GRIN3A: variants seen among roughly 807,000 people sequenced by gnomAD.
The protein encoded by GRIN3A is glutamate ionotropic receptor NMDA type subunit 3A, also known as glutamate receptor ionotropic, NMDA 3A.
In GRIN3A, 47 loss-of-function variants were observed where a neutral mutation model predicts 92.4. The ratio of observed to expected loss-of-function variants is 0.51; its 90% confidence interval spans 0.40 to 0.65. The LOEUF is 0.65. Among genes scored for constraint, GRIN3A ranks in the 30% least tolerant of loss-of-function variants. GRIN3A has a pLI of 0.00. For synonymous variants in GRIN3A, 527 were observed against 540.6 expected (o/e 0.97, Z 0.35); for missense variants, 1,324 against 1,393.1 (o/e 0.95, Z 0.79).
chr9:101,679,816 C>T (rs996931533), intron 2 of GRIN3A, among the ~76,000 whole-genome samples: 6 of 152,186 alleles, frequency 3.9e-5, no homozygotes, highest in African/African-American at 1.4e-4. Context: ...TTTAATGCAA[C>T]TGCATTTCTT....
intron 1 of GRIN3A, among the ~76,000 whole-genome samples, chr9:101,709,412 A>G (rs912255125): frequency 6.6e-6 from 1 of 152,182 alleles, no homozygotes; most frequent in African/African-American, 2.4e-5. Context: ...TTGGTAGAAT[A>G]CACTTGGTTT....
intron 1 of GRIN3A, among the ~76,000 whole-genome samples, chr9:101,702,248 GC>G (rs1829764992): frequency 1.3e-5 from 2 of 152,162 alleles, no homozygotes; most frequent in Non-Finnish European, 2.9e-5. Flanking sequence ...GTTGCAGTGA[GC>G]TGAGATCACC....
chr9:101,575,269 T>C (rs1034612875), intron 8 of GRIN3A, among the ~76,000 whole-genome samples: 7 of 152,252 alleles, frequency 4.6e-5, no homozygotes, highest in Admixed American at 3.9e-4. Context: ...AACCCACTTA[T>C]AGCTCCATTG....
In GRIN3A at chr9:101,670,177, T is replaced by A; in HGVS notation, c.2235A>T (p.Leu745=). The change falls in exon 3 of 9, where the codon CTA becomes CTT. Residue 745 remains leucine, a synonymous_variant. Coordinates refer to ENST00000361820, the MANE Select transcript of GRIN3A (RefSeq NM_133445.3). The part of the protein sequence containing the change: ...KPPKCWTGRF[L]MNLWAIFCMF... ...TACAGAAAATGGCCCAAAGGTTCAT[T>A]AGAAACCTTCCAGTCCAACATTTTG... is the stretch of plus-strand genomic sequence containing the variant. 1.9e-6 allele frequency: 3 copies of A among 1,613,854 alleles called. No homozygotes were observed. Among genetic ancestry groups the A allele is most frequent in the Non-Finnish European group, 2.5e-6 (3 of 1,179,836 alleles).
chr9:101,592,987 A>G (rs1828053752), intron 6 of GRIN3A: 1 of 152,194 alleles, frequency 6.6e-6, no homozygotes, highest in African/African-American at 2.4e-5. Context: ...GTATGGAGGC[A>G]CAGATGCTGG....
intron 3 of GRIN3A, among the ~76,000 whole-genome samples, chr9:101,662,181 T>C (rs752984304): frequency 2.6e-5 from 4 of 151,838 alleles, no homozygotes; most frequent in Non-Finnish European, 4.4e-5. Context: ...CATACCACAA[T>C]GACAATTAAT....
At chr9:101,610,607 ATCTATCTATC>A (rs2118842172) in intron 6 of GRIN3A, among the ~76,000 whole-genome samples, 1 of 142,092 alleles carries the variant, frequency 7.0e-6, no homozygotes, top group Non-Finnish European at 1.6e-5. Flanking sequence ...CTATCTATCT[ATCTATCTATC>A]TATCTATCAT....
At chr9:101,643,112 G>A (rs897485885) in intron 3 of GRIN3A, among the ~76,000 whole-genome samples, 6 of 152,024 alleles carry the variant, frequency 3.9e-5, no homozygotes, top group Admixed American at 1.3e-4. Context: ...CTGGTCTCTG[G>A]TGCCAAAAGG....
Position 101,670,705 on chromosome 9 carries a change from G to A in GRIN3A, c.1707C>T (p.Pro569=). 6.2e-7 allele frequency: 1 copy of A among 1,614,028 alleles called. No homozygotes were observed. Among genetic ancestry groups the A allele is most frequent in the Non-Finnish European group, 8.5e-7 (1 of 1,179,962 alleles). The change falls in exon 3 of 9, where the codon CCC becomes CCT. Residue 569 remains proline (P), a synonymous_variant. Coordinates refer to ENST00000361820, the MANE Select transcript of GRIN3A (RefSeq NM_133445.3). ...SSLHSSNDTV[P]IKFKKCCYGY... ...CATAGCAGCACTTCTTGAATTTAATGGGCACTGTATCATTACTGCTATGGA... is the reference window on the plus strand; with the variant it reads ...CATAGCAGCACTTCTTGAATTTAATAGGCACTGTATCATTACTGCTATGGA...
At chr9:101,659,037 C>T (rs1829133116) in intron 3 of GRIN3A, among the ~76,000 whole-genome samples, 1 of 151,776 alleles carries the variant, frequency 6.6e-6, no homozygotes, top group Admixed American at 6.6e-5. Context: ...GCCTGTGGAG[C>T]TAAAATACGT....
intron 1 of GRIN3A, among the ~76,000 whole-genome samples, chr9:101,721,746 T>G (rs62576357): frequency 3.9e-5 from 6 of 152,156 alleles, no homozygotes; most frequent in African/African-American, 1.4e-4. Flanking sequence ...CCCTAGAGAT[T>G]TGTGGAACTT....
chr9:101,676,681 T>C (rs535008805), intron 2 of GRIN3A, among the ~76,000 whole-genome samples: 56 of 152,164 alleles, frequency 3.7e-4, no homozygotes, highest in African/African-American at 1.3e-3. Context: ...TAATTCTTGT[T>C]AGGTTTACTG....
chr9:101,670,938 C>A lies in GRIN3A; in HGVS notation c.1474G>T (p.Asp492Tyr). Residue 492 changes from aspartate (D) to tyrosine (Y), a missense_variant, in exon 3 of 9, where the codon GAC becomes TAC. Coordinates refer to ENST00000361820, the MANE Select transcript of GRIN3A (RefSeq NM_133445.3). Reference sequence around the variant, plus strand: ...GCCTGCTCTGGCCATATTCCATAGTCCATGACAATCTTTCCCCCCTGCCAG... The same window carrying A: ...GCCTGCTCTGGCCATATTCCATAGTACATGACAATCTTTCCCCCCTGCCAG... ...GSWQGGKIVM[D>Y]YGIWPEQAQR... 1 of 1,613,996 alleles carries A rather than the reference C, an allele frequency of 6.2e-7. No individual in the cohort carries two copies. Among genetic ancestry groups the A allele is most frequent in the Non-Finnish European group, 8.5e-7 (1 of 1,179,932 alleles).
chr9:101,672,622 A>C (rs1247165178), intron 2 of GRIN3A, among the ~76,000 whole-genome samples: 1 of 152,190 alleles, frequency 6.6e-6, no homozygotes, highest in African/African-American at 2.4e-5. Context: ...GAAATAAGAC[A>C]TTATGTTGCC....
At chr9:101,595,161 G>A in intron 6 of GRIN3A, 2 of 575,550 alleles carry the variant, frequency 3.5e-6, no homozygotes, top group South Asian at 4.3e-5. Flanking sequence ...GGTGCTGTCT[G>A]GGCAGGAGTA....
chr9:101,611,606 T>C (rs1011180914), intron 6 of GRIN3A, among the ~76,000 whole-genome samples: 2 of 152,214 alleles, frequency 1.3e-5, no homozygotes, highest in Non-Finnish European at 2.9e-5. Flanking sequence ...ATTTCTCTAA[T>C]TGTTTATTCC....
intron 6 of GRIN3A, among the ~76,000 whole-genome samples, chr9:101,582,276 C>A (rs1420245818): frequency 6.6e-6 from 1 of 152,006 alleles, no homozygotes; most frequent in African/African-American, 2.4e-5. Context: ...TGTGTTGGAG[C>A]CTAGCTCAGG....
chr9:101,641,711 C>T (rs563307043), intron 3 of GRIN3A, among the ~76,000 whole-genome samples: 54 of 151,378 alleles, frequency 3.6e-4, no homozygotes, highest in African/African-American at 1.2e-3. Context: ...AGCATACCAA[C>T]ATGGCACATG....
At chr9:101,734,452 A>G (rs1830175865) in intron 1 of GRIN3A, among the ~76,000 whole-genome samples, 1 of 152,102 alleles carries the variant, frequency 6.6e-6, no homozygotes, top group African/African-American at 2.4e-5. Context: ...TTATGCAGTT[A>G]TAATATACAT....
Sources: allele counts gnomAD v4.1 joint callset (sites outside exome capture counted in the v4.1 genomes callset), GRCh38; gene constraint gnomAD v4.1.1; transcripts MANE v1.5; gene names NCBI Gene and HGNC (gene_info 2026-07-23, HGNC 2026-07-21).